Variants in STARD13 observed in about 807,000 individuals in gnomAD.
The protein encoded by STARD13 is stAR-related lipid transfer protein 13.
In STARD13, 62 loss-of-function variants were observed where a neutral mutation model predicts 106.4. That is an observed-to-expected ratio of 0.58 (90% CI 0.48 to 0.72). The LOEUF (loss-of-function observed/expected upper bound fraction) is 0.72, where lower values mean the gene tolerates loss of function less well. Ranked by LOEUF, STARD13 falls within the 30% of genes least tolerant of loss-of-function variation. The pLI is 0.00. For missense variants in STARD13, 1,387 were observed against 1,424.0 expected (o/e 0.97, Z 0.42); for synonymous variants, 565 against 553.0 (o/e 1.02, Z -0.31).
the STARD13 span, among the ~76,000 whole-genome samples, chr13:33,513,499 A>G: frequency 6.6e-6 from 1 of 152,140 alleles, no homozygotes; most frequent in Non-Finnish European, 1.5e-5. Context: ...CTTCCTCCTC[A>G]TAGTATGAAG....
chr13:33,267,091 A>G (rs1884910352), intron 1 of STARD13, among the ~76,000 whole-genome samples: 1 of 152,198 alleles, frequency 6.6e-6, no homozygotes, highest in South Asian at 2.1e-4. Flanking sequence ...GTGGAACACA[A>G]ACTCGAGTGC....
At chr13:33,275,912 A>G (rs544986491) in intron 1 of STARD13, 5 of 152,372 alleles carry the variant, frequency 3.3e-5, no homozygotes, top group Non-Finnish European at 5.9e-5. Flanking sequence ...GGCAACTCCA[A>G]TGGATTGGCC....
intron 1 of STARD13, among the ~76,000 whole-genome samples, chr13:33,330,889 T>G (rs1046932318): frequency 1.3e-5 from 2 of 152,192 alleles, no homozygotes; most frequent in Non-Finnish European, 2.9e-5. Flanking sequence ...CATGGAGGAC[T>G]TCATGCTCTT....
intron 1 of STARD13, among the ~76,000 whole-genome samples, chr13:33,338,924 C>G (rs1033217257): frequency 2.7e-5 from 4 of 147,608 alleles, no homozygotes. Context: ...GATACAGGAA[C>G]AAAGCATATG....
intron 1 of STARD13, among the ~76,000 whole-genome samples, chr13:33,185,718 C>A (rs1419803841): frequency 6.6e-6 from 1 of 152,196 alleles, no homozygotes; most frequent in Non-Finnish European, 1.5e-5. Context: ...CTAGTCAATT[C>A]TTTTCCTCTT....
upstream of STARD13, among the ~76,000 whole-genome samples, chr13:33,289,504 G>A (rs1892203646): frequency 6.6e-6 from 1 of 152,154 alleles, no homozygotes; most frequent in Admixed American, 6.5e-5. Context: ...AAGCAAGCAA[G>A]TGCAGAGCCT....
the STARD13 span, among the ~76,000 whole-genome samples, chr13:33,528,768 T>C: frequency 1.3e-5 from 2 of 152,106 alleles, no homozygotes; most frequent in Non-Finnish European, 2.9e-5. Flanking sequence ...TTCATCATAG[T>C]AACGATCATC....
intron 12 of STARD13, among the ~76,000 whole-genome samples, chr13:33,107,596 A>G (rs1873947850): frequency 6.6e-6 from 1 of 152,184 alleles, no homozygotes; most frequent in South Asian, 2.1e-4. Context: ...GAGTGGGAGA[A>G]GAAATGAATA....
intron 1 of STARD13, among the ~76,000 whole-genome samples, chr13:33,194,036 A>G (rs1401464127): frequency 6.6e-6 from 1 of 152,186 alleles, no homozygotes; most frequent in East Asian, 1.9e-4. Flanking sequence ...CTAGTCCAGA[A>G]TGATCCCAGA....
chr13:33,185,513 G>A (rs1885670951), intron 1 of STARD13, among the ~76,000 whole-genome samples: 1 of 152,064 alleles, frequency 6.6e-6, no homozygotes, highest in African/African-American at 2.4e-5. Flanking sequence ...AATTTCCGAG[G>A]ACACTATGAA....
the STARD13 span, among the ~76,000 whole-genome samples, chr13:33,383,187 G>A: frequency 5.9e-5 from 9 of 152,238 alleles, no homozygotes; most frequent in South Asian, 1.0e-3. Context: ...CATGGGTAGC[G>A]TATGCTTCCT....
the STARD13 span, among the ~76,000 whole-genome samples, chr13:33,404,551 A>G: frequency 6.6e-6 from 1 of 152,200 alleles, no homozygotes; most frequent in African/African-American, 2.4e-5. Context: ...TATGTCCCTT[A>G]AGCTACTTAA....
At chr13:33,346,723 A>C (rs2078021263), downstream of STARD13, among the ~76,000 whole-genome samples, 1 of 151,802 alleles carries the variant, frequency 6.6e-6, no homozygotes, top group Non-Finnish European at 1.5e-5. Flanking sequence ...TCCGCCTCCC[A>C]GGTTCAAGCA....
chr13:33,661,449 G>A, the STARD13 span: 1 of 152,214 alleles, frequency 6.6e-6, no homozygotes, highest in Non-Finnish European at 1.5e-5. Context: ...TGTAGTGTGT[G>A]TAGGTACTCT....
chr13:33,109,654 C>T (rs879837580), intron 12 of STARD13, among the ~76,000 whole-genome samples: 1 of 152,136 alleles, frequency 6.6e-6, no homozygotes, highest in African/African-American at 2.4e-5. Context: ...AGGAGAGGGG[C>T]AATCAGAGAG....
chr13:33,442,610 T>C, the STARD13 span, among the ~76,000 whole-genome samples: 2 of 152,098 alleles, frequency 1.3e-5, no homozygotes, highest in Admixed American at 6.5e-5. Context: ...AGAAACTAAT[T>C]ATCTGAAATT....
chr13:33,360,799 CT>C, the STARD13 span, among the ~76,000 whole-genome samples: 118 of 118,192 alleles, frequency 1.0e-3, no homozygotes, highest in Middle Eastern at 4.7e-3. Flanking sequence ...TTTTTCTTTT[CT>C]TTTTTTTTTT....
chr13:33,658,605 G>A, the STARD13 span, among the ~76,000 whole-genome samples: 1 of 152,078 alleles, frequency 6.6e-6, no homozygotes, highest in African/African-American at 2.4e-5. Context: ...CATCCCAATG[G>A]TCCTTCACCA....
intron 1 of STARD13, among the ~76,000 whole-genome samples, chr13:33,316,118 T>C (rs1893323346): frequency 6.6e-6 from 1 of 152,210 alleles, no homozygotes; most frequent in Admixed American, 6.5e-5. Context: ...ACATTTACTT[T>C]AGCATGGTTT....
Sources: allele counts gnomAD v4.1 joint callset (sites outside exome capture counted in the v4.1 genomes callset), GRCh38; gene constraint gnomAD v4.1.1; transcripts MANE v1.5; gene names NCBI Gene and HGNC (gene_info 2026-07-23, HGNC 2026-07-21).